The following EDEM1 variants were observed in gnomAD, a reference collection of about 807,000 sequenced individuals.
The protein encoded by EDEM1 is ER degradation-enhancing alpha-mannosidase-like protein 1.
A neutral mutation model predicts 74.4 loss-of-function variants in EDEM1; 67 were observed. The observed-to-expected ratio is 0.90, with a 90% CI of 0.74 to 1.10. EDEM1 has a LOEUF of 1.10. Among genes scored for constraint, EDEM1 ranks in the 50% least tolerant of loss-of-function variants. The probability of loss-of-function intolerance (pLI) is 0.00; values close to 1 mark genes in which losing one functional copy is unlikely to be tolerated. For synonymous variants in EDEM1, 382 were observed against 335.9 expected, an observed-to-expected ratio of 1.14 and a Z score of -1.50; for missense variants, 926 against 851.6, an observed-to-expected ratio of 1.09 and a Z score of -1.09.
chr3:5,205,306 G>C, intron 6 of EDEM1, 65 bp downstream of exon 6: 1 of 1,510,728 alleles, frequency 6.6e-7, no homozygotes, highest in East Asian at 2.3e-5. Flanking sequence ...TGAAGCGTTT[G>C]TATTTTTTTT....
At chr3:5,215,107 C>T (rs150021147) in intron 11 of EDEM1, among the ~76,000 whole-genome samples, 58 of 152,100 alleles carry the variant, frequency 3.8e-4, no homozygotes, top group South Asian at 3.5e-3. Context: ...ATGGAAGGAC[C>T]GGCCAGTCTT....
chr3:5,190,701 G>T (rs2054891820), intron 1 of EDEM1, among the ~76,000 whole-genome samples: 1 of 152,136 alleles, frequency 6.6e-6, no homozygotes, highest in Non-Finnish European at 1.5e-5. Context: ...TTAGGGAAGG[G>T]TTGTGCCCTG....
intron 8 of EDEM1, among the ~76,000 whole-genome samples, chr3:5,209,196 C>T (rs2055137546): frequency 6.6e-6 from 1 of 152,140 alleles, no homozygotes; most frequent in Non-Finnish European, 1.5e-5. Context: ...GAAAGAAATC[C>T]TGTGAAACTG....
In EDEM1 at chr3:5,219,085, C is replaced by T. The variant is rs2055279811; in HGVS notation, c.*3167C>T. ...CAATCTGAGGGCCTTGTTTCCTCCT[C>T]CCCTTTCCCCTTCTCCCCACCAAAG... On this transcript the variant is annotated 3_prime_UTR_variant, in exon 12 of 12. Coordinates refer to ENST00000256497, the MANE Select transcript of EDEM1 (RefSeq NM_014674.3). 6.6e-6 allele frequency: 1 copy of T among 152,106 alleles called. No individual in the cohort carries two copies. The highest frequency in any genetic ancestry group is 1.5e-5 in the Non-Finnish European group (1 of 68,030). The allele number at this position is 152,106 out of a possible 1,614,324, so 9.4% of individuals were successfully genotyped here.
chr3:5,214,291 G>T (rs537814240), intron 11 of EDEM1, among the ~76,000 whole-genome samples: 1 of 152,326 alleles, frequency 6.6e-6, no homozygotes, highest in South Asian at 2.1e-4. Flanking sequence ...CCAGGGCCTT[G>T]GTGGTCAGGA....
intron 3 of EDEM1, among the ~76,000 whole-genome samples, chr3:5,201,289 G>T (rs574972403): frequency 1.3e-5 from 2 of 151,826 alleles, no homozygotes; most frequent in South Asian, 4.2e-4. Context: ...TAGCTACTAG[G>T]ACTACTGGTG....
intron 4 of EDEM1, among the ~76,000 whole-genome samples, 154 bp downstream of exon 4, chr3:5,202,078 A>G (rs2055041443): frequency 6.6e-6 from 1 of 152,230 alleles, no homozygotes; most frequent in African/African-American, 2.4e-5. Flanking sequence ...ATATGATGTA[A>G]ATATTTTAAA....
In EDEM1 at chr3:5,195,250, T is replaced by G; in HGVS notation, c.551T>G (p.Leu184Trp). ...NINDVLGNYS[L>W]TLVDALDTLA... ...AATGATGTACTAGGGAACTACTCATTGACTCTTGTTGATGCATTGGATACA... is the reference window on the plus strand; with the variant it reads ...AATGATGTACTAGGGAACTACTCATGGACTCTTGTTGATGCATTGGATACA... The change falls in exon 2 of 12, where the codon TTG (leucine) becomes TGG (tryptophan). Residue 184 changes from leucine to tryptophan, a missense_variant. Leu to Trp is a moderately conservative substitution (Grantham distance 61). Coordinates refer to ENST00000256497, the MANE Select transcript of EDEM1 (RefSeq NM_014674.3). The G allele has an allele frequency of 6.4e-7, 1 of 1,570,538 alleles. No individual in the cohort carries two copies. The highest frequency in any genetic ancestry group is 1.2e-5 in the South Asian group (1 of 84,658).
In EDEM1 at chr3:5,217,471, T is replaced by C. The variant is rs2055254077; in HGVS notation, c.*1553T>C. 6.6e-6 allele frequency: 1 copy of C among 152,660 alleles called. No homozygotes were observed. The highest frequency in any genetic ancestry group is 1.5e-5 in the Non-Finnish European group (1 of 68,038). 9.5% of individuals were successfully genotyped at this position (152,660 alleles called of 1,614,324 possible). A position where few individuals can be genotyped will look rare whatever the true frequency, so the allele number is the denominator to read the frequency against. ...TTTTCAAAGCTAGAAATAAGCACTGTCTAAGTTTATGTTGCATTTTTAGTC... is the reference window on the plus strand; with the variant it reads ...TTTTCAAAGCTAGAAATAAGCACTGCCTAAGTTTATGTTGCATTTTTAGTC... On this transcript the variant is annotated 3_prime_UTR_variant, in exon 12 of 12. Coordinates refer to ENST00000256497, the MANE Select transcript of EDEM1 (RefSeq NM_014674.3).
In EDEM1 at chr3:5,205,091, G is replaced by C. The variant is rs1415703682; in HGVS notation, c.1067G>C (p.Gly356Ala). 1 of 1,614,160 alleles carries C rather than the reference G, an allele frequency of 6.2e-7. No homozygotes were observed. Among genetic ancestry groups the C allele is most frequent in the Non-Finnish European group, 8.5e-7 (1 of 1,180,010 alleles). The part of the protein sequence containing the change: ...LLGNVVNIQT[G>A]HWVGKQSGLG... ...GGCAATGTCGTGAACATTCAGACGGGCCACTGGGTTGGAAAGCAGAGTGGC... is the reference window on the plus strand; with the variant it reads ...GGCAATGTCGTGAACATTCAGACGGCCCACTGGGTTGGAAAGCAGAGTGGC... The change falls in exon 6 of 12, where the codon GGC becomes GCC. Residue 356 changes from glycine (G) to alanine (A), a missense_variant. By Grantham distance (60) the Gly-to-Ala change is moderately conservative. Coordinates refer to ENST00000256497, the MANE Select transcript of EDEM1 (RefSeq NM_014674.3).
chr3:5,212,295 C>T (rs1329026885), intron 10 of EDEM1, among the ~76,000 whole-genome samples: 1 of 152,186 alleles, frequency 6.6e-6, no homozygotes, highest in Non-Finnish European at 1.5e-5. Flanking sequence ...ACCAGCAGCC[C>T]ATGTGATCTG....
In EDEM1 at chr3:5,190,859, C is replaced by CTT. The variant is rs538969058; in HGVS notation, c.509+2552_509+2553dup. Among the ~76,000 whole-genome samples, 1,204 of 151,658 alleles carry CTT rather than the reference C, an allele frequency of 7.9e-3. 17 individuals carry two copies. Among genetic ancestry groups the CTT allele is most frequent in the African/African-American group, 0.028 (1,140 of 41,294 alleles). On this transcript the variant is annotated intron_variant, in intron 1 of 11. Coordinates refer to ENST00000256497, the MANE Select transcript of EDEM1 (RefSeq NM_014674.3). ...TTCCTTTAACTCCTCTCAGGCTTTG[C>CTT]TTTTTTTTAAATATTTTTTAAAAAA...
chr3:5,196,900 T>TGTCGTC (rs1255659158), intron 2 of EDEM1, among the ~76,000 whole-genome samples: 28 of 152,066 alleles, frequency 1.8e-4, no homozygotes, highest in African/African-American at 6.5e-4. Context: ...CTGAGAGCTT[T>TGTCGTC]GTCATCGTCG....
rs763947337 is a variant in EDEM1, at chr3:5,213,369, C to G, written c.1731C>G (p.Phe577Leu). 2 of 1,614,014 alleles carry G rather than the reference C, an allele frequency of 1.2e-6. No individual in the cohort carries two copies. The highest frequency in any genetic ancestry group is 1.7e-6 in the Non-Finnish European group (2 of 1,179,966). Residue 577 changes from phenylalanine to leucine, a missense_variant, in exon 11 of 12, where the codon TTC (phenylalanine) becomes TTG (leucine). By Grantham distance (22) the Phe-to-Leu change is conservative (BLOSUM62 0). Coordinates refer to ENST00000256497, the MANE Select transcript of EDEM1 (RefSeq NM_014674.3). ...PVHKSGTRYMFTTEGHIVSVD... is the reference protein window; with the variant it reads ...PVHKSGTRYMLTTEGHIVSVD... ...ACAAGTCTGGAACCAGATACATGTT[C>G]ACAACAGAGGGACACATTGTATCTG...
chr3:5,188,542 A>G (rs2054858569), intron 1 of EDEM1: 1 of 415,652 alleles, frequency 2.4e-6, no homozygotes, highest in South Asian at 9.3e-5. Flanking sequence ...GAATCTCCAA[A>G]CTTCAGAACT....
rs368471450 is a variant in EDEM1, at chr3:5,205,168, C to T, written c.1144C>T (p.Leu382Phe). The change falls in exon 6 of 12, where the codon CTC (leucine) becomes TTC (phenylalanine). Residue 382 changes from leucine to phenylalanine, a missense_variant. Coordinates refer to ENST00000256497, the MANE Select transcript of EDEM1 (RefSeq NM_014674.3). ...TGAATACCTCTTGAAATCTTACATT[C>T]TCTTTGGAGAAAAAGAAGACCTAGA... ...FYEYLLKSYI[L>F]FGEKEDLEMF... 1.2e-6 allele frequency: 2 copies of T among 1,614,088 alleles called. No homozygotes were observed. The highest frequency in any genetic ancestry group is 1.7e-6 in the Non-Finnish European group (2 of 1,180,028).
chr3:5,195,494 G>A lies in EDEM1; in HGVS notation c.582+213G>A, dbSNP rs865931689. On this transcript the variant is annotated intron_variant, in intron 2 of 11. Coordinates refer to ENST00000256497, the MANE Select transcript of EDEM1 (RefSeq NM_014674.3). Reference sequence around the variant, plus strand: ...GGAAATGTGATTCCATTAAAAAAAGGAGAAGGAATGTACGATTGATTTTAG... The same window carrying A: ...GGAAATGTGATTCCATTAAAAAAAGAAGAAGGAATGTACGATTGATTTTAG... Among the ~76,000 whole-genome samples the A allele has an allele frequency of 3.9e-5, 6 of 152,126 alleles. No individual in the cohort carries two copies. In the South Asian group the frequency reaches 1.2e-3, roughly 31 times the overall value.
intron 8 of EDEM1, 87 bp from the exon 9 acceptor site, chr3:5,210,088 T>C: frequency 8.3e-7 from 1 of 1,211,726 alleles, no homozygotes; most frequent in South Asian, 1.2e-5. Context: ...CTCGTCTCCA[T>C]GGGGAAGCCC....
rs140085316 is a variant in EDEM1, at chr3:5,192,621, C to T, written c.510-2588C>T. On this transcript the variant is annotated intron_variant, in intron 1 of 11. Coordinates refer to ENST00000256497, the MANE Select transcript of EDEM1 (RefSeq NM_014674.3). ...ATGAACTTAAAGGTATCAGGTTAGG[C>T]TGGAGATTGACAAGAATATCTACAA... Among the ~76,000 whole-genome samples, 5 of 152,314 alleles carry T rather than the reference C, an allele frequency of 3.3e-5. No homozygotes were observed. In the East Asian group the frequency reaches 7.7e-4, roughly 23 times the overall value.
Sources: gnomAD v4.1 joint callset for allele counts (sites outside exome capture counted in the v4.1 genomes callset) on GRCh38, gnomAD v4.1.1 for gene constraint, MANE v1.5 for transcripts, NCBI Gene and HGNC (gene_info 2026-07-23, HGNC 2026-07-21) for gene names.